The following COL23A1 variants were observed in gnomAD, a reference collection of about 807,000 sequenced individuals.
COL23A1 encodes the protein collagen alpha-1(XXIII) chain.
COL23A1 carries 97 observed loss-of-function variants against 99.3 expected under a neutral mutation model. That is an observed-to-expected ratio of 0.98 (90% CI 0.83 to 1.16). COL23A1 has a LOEUF of 1.16. Ranked by LOEUF, COL23A1 falls within the 50% of genes most tolerant of loss-of-function variation. COL23A1 has a pLI of 0.00. For synonymous variants in COL23A1, 320 were observed against 308.2 expected (o/e 1.04, Z -0.40); for missense variants, 762 against 757.4 (o/e 1.01, Z -0.07).
intron 2 of COL23A1, among the ~76,000 whole-genome samples, chr5:178,521,094 C>A (rs1759915184): frequency 6.6e-6 from 1 of 152,140 alleles, no homozygotes; most frequent in African/African-American, 2.4e-5. Flanking sequence ...GTCCTGAATA[C>A]CATAGATGAT....
chr5:178,267,799 C>T (rs914427873), intron 7 of COL23A1, among the ~76,000 whole-genome samples: 4 of 152,348 alleles, frequency 2.6e-5, no homozygotes, highest in East Asian at 1.9e-4. Flanking sequence ...CAGCCAAGGC[C>T]GGCAGGAAGG....
intron 2 of COL23A1, among the ~76,000 whole-genome samples, chr5:178,318,187 A>T (rs1426460032): frequency 6.6e-6 from 1 of 152,242 alleles, no homozygotes; most frequent in Admixed American, 6.5e-5. Context: ...ATGTTTCCAG[A>T]ATCCGCAGGA....
At chr5:178,322,261 G>A (rs1376656122) in intron 2 of COL23A1, among the ~76,000 whole-genome samples, 1 of 152,112 alleles carries the variant, frequency 6.6e-6, no homozygotes, top group East Asian at 1.9e-4. Context: ...CAAAGTGCTG[G>A]GATTACAAGC....
In COL23A1 at chr5:178,343,875, A is replaced by C. The variant is rs1016474084; in HGVS notation, c.362-36956T>G. 5.3e-5 allele frequency among the ~76,000 whole-genome samples: 8 copies of C among 152,082 alleles called. No individual in the cohort carries two copies. The Middle Eastern group carries it at 0.01, about 194-fold the overall frequency. On this transcript the variant is annotated intron_variant, in intron 2 of 28. Transcript: ENST00000390654. ...ATGGAGTTTCACCATGTTGGCCAGG[A>C]TGGTCTCGATCTCCTGAGCTCGTGA...
At chr5:178,252,645 T>A in intron 16 of COL23A1, 48 bp from the exon 17 acceptor site, 1 of 1,513,532 alleles carries the variant, frequency 6.6e-7, no homozygotes, top group Non-Finnish European at 9.0e-7. Flanking sequence ...AGGCAGGGCC[T>A]CCCTTCGCTA....
chr5:178,376,021 T>C (rs948801623), intron 2 of COL23A1, among the ~76,000 whole-genome samples: 2 of 152,228 alleles, frequency 1.3e-5, no homozygotes, highest in African/African-American at 4.8e-5. Flanking sequence ...TTCCCTTTTC[T>C]ACAGCTGTAA....
In COL23A1 at chr5:178,370,962, A is replaced by G. The variant is rs75225103; in HGVS notation, c.362-64043T>C. On this transcript the variant is annotated intron_variant, in intron 2 of 28. Transcript: ENST00000390654. Reference sequence around the variant, plus strand: ...GTCTCACAAAGAAAAGATCTATTGTATAACATGATGACTGTGGTTAATAAC... The same window carrying G: ...GTCTCACAAAGAAAAGATCTATTGTGTAACATGATGACTGTGGTTAATAAC... 4.5e-3 allele frequency among the ~76,000 whole-genome samples: 688 copies of G among 152,246 alleles called. 4 individuals are homozygous for G. The highest frequency in any genetic ancestry group is 0.016 in the African/African-American group (661 of 41,526).
rs187559486 is a variant in COL23A1, at chr5:178,454,016, A to T, written c.361+106666T>A. On this transcript the variant is annotated intron_variant, in intron 2 of 28. Coordinates refer to ENST00000390654, the MANE Select transcript of COL23A1 (RefSeq NM_173465.4). ...GAAAAAGTTTAAATATCACACTCTT[A>T]AAAAAAAGAGACGTATTTATTTTTG... Among the ~76,000 whole-genome samples the T allele has an allele frequency of 7.0e-3, 1,071 of 152,166 alleles. 5 individuals carry two copies. The highest frequency in any genetic ancestry group is 0.024 in the South Asian group (115 of 4,812).
In COL23A1 at chr5:178,465,888, T is replaced by C. The variant is rs1229189336; in HGVS notation, c.361+94794A>G. Among the ~76,000 whole-genome samples the C allele has an allele frequency of 6.7e-4, 102 of 152,136 alleles. 1 individual carries two copies. The highest frequency in any genetic ancestry group is 4.4e-5 in the Non-Finnish European group (3 of 68,020). On this transcript the variant is annotated intron_variant, in intron 2 of 28. Transcript: ENST00000390654. ...ACCAGCGGTGGTGTGGACTCGCCGC[T>C]TGCCTGGCTTCCTGCCTGCTCCGGA... is the stretch of plus-strand genomic sequence containing the variant.
chr5:178,250,255 T>G, intron 17 of COL23A1, 150 bp from the exon 18 acceptor site: 1 of 762,900 alleles, frequency 1.3e-6, no homozygotes, highest in Non-Finnish European at 2.2e-6. Context: ...GCCTCCTCTG[T>G]TTCCTCAGCC....
chr5:178,582,230 AAAG>A (rs1763698188), intron 1 of COL23A1, among the ~76,000 whole-genome samples: 1 of 151,054 alleles, frequency 6.6e-6, no homozygotes, highest in Non-Finnish European at 1.5e-5. Context: ...AAAAAAAAAA[AAAG>A]GAAGGGAGAG....
chr5:178,405,779 T>C (rs992895552), intron 2 of COL23A1, among the ~76,000 whole-genome samples: 1 of 152,178 alleles, frequency 6.6e-6, no homozygotes. Context: ...AATGGAAGAA[T>C]ATAGTAAAGA....
intron 4 of COL23A1, 37 bp from the exon 5 acceptor site, chr5:178,288,387 C>G: frequency 3.2e-6 from 5 of 1,586,938 alleles, no homozygotes; most frequent in Non-Finnish European, 4.3e-6. Context: ...ATCAGAGTTT[C>G]GGCAGAAACC....
rs771796177 is a variant in COL23A1, at chr5:178,366,138, C to A, written c.362-59219G>T. The stretch of plus-strand genomic sequence containing the variant: ...ATCTGTTAAAGCTCCATCTACCCTA[C>A]GAGGAGGCGAGTCCCCAAGGGCAGG... On this transcript the variant is annotated intron_variant, in intron 2 of 28. Coordinates refer to ENST00000390654, the MANE Select transcript of COL23A1 (RefSeq NM_173465.4). The surrounding 1 kb of genome is among the most constrained non-coding windows in gnomAD (Gnocchi z 4.4). Among the ~76,000 whole-genome samples, 1 of 152,222 alleles carries A rather than the reference C, an allele frequency of 6.6e-6. No homozygotes were observed. The highest frequency in any genetic ancestry group is 2.1e-4 in the South Asian group (1 of 4,832).
chr5:178,292,150 T>TGC (rs1257934346), intron 3 of COL23A1, among the ~76,000 whole-genome samples: 3 of 152,152 alleles, frequency 2.0e-5, no homozygotes, highest in Non-Finnish European at 2.9e-5. Context: ...TCTGCAACTA[T>TGC]GCCTATACCT....
At chr5:178,245,560 ATCCATTCACCCATC>A (rs1561783655) in intron 25 of COL23A1, among the ~76,000 whole-genome samples, 2 of 143,326 alleles carry the variant, frequency 1.4e-5, no homozygotes. Flanking sequence ...TCACCCATCC[ATCCATTCACCCATC>A]CATCCATTCA....
At chr5:178,578,399 G>C (rs185743587) in intron 1 of COL23A1, among the ~76,000 whole-genome samples, 1 of 152,268 alleles carries the variant, frequency 6.6e-6, no homozygotes, top group East Asian at 1.9e-4. Context: ...CACAAGCCTG[G>C]TCTGAAAGGA....
intron 2 of COL23A1, among the ~76,000 whole-genome samples, chr5:178,547,526 CACACCCACAAACACACCCACA>C: frequency 8.1e-6 from 1 of 124,028 alleles, no homozygotes; most frequent in Non-Finnish European, 1.7e-5. Context: ...CCCACACACT[CACACCCACAAACACACCCACA>C]CACCCCCATA....
chr5:178,368,668 C>T (rs751093101), intron 2 of COL23A1, among the ~76,000 whole-genome samples: 36 of 149,782 alleles, frequency 2.4e-4, no homozygotes, highest in Admixed American at 6.6e-4. Flanking sequence ...CAGAAGCCAT[C>T]GGCCTCCAGA....
Sources: gnomAD v4.1 joint callset for allele counts (sites outside exome capture counted in the v4.1 genomes callset) on GRCh38, gnomAD v4.1.1 for gene constraint, Gnocchi (gnomAD v3.1) non-coding constraint, MANE v1.5 for transcripts, NCBI Gene and HGNC (gene_info 2026-07-23, HGNC 2026-07-21) for gene names.